Variants in LRP1B observed in about 807,000 individuals in gnomAD.
LRP1B encodes the protein low-density lipoprotein receptor-related protein 1B.
LRP1B carries 217 observed loss-of-function variants against 556.6 expected under a neutral mutation model. The ratio of observed to expected loss-of-function variants is 0.39; its 90% confidence interval spans 0.35 to 0.44. LRP1B has a LOEUF of 0.44. LRP1B is among the 20% of genes least tolerant of loss of function. The pLI, the probability that LRP1B is intolerant of heterozygous loss-of-function variation, is 1.00. For synonymous variants in LRP1B, 2,047 were observed against 1,865.8 expected (o/e 1.10, Z -2.50); for missense variants, 5,053 against 5,620.8 (o/e 0.90, Z 3.23).
intron 3 of LRP1B, among the ~76,000 whole-genome samples, chr2:141,262,951 T>C (rs541326458): frequency 2.0e-5 from 3 of 151,908 alleles, no homozygotes; most frequent in Non-Finnish European, 4.4e-5. Context: ...AGGATATTAA[T>C]TGGAATTATG....
chr2:142,118,191 A>G (rs921232383), intron 1 of LRP1B, among the ~76,000 whole-genome samples: 1 of 151,750 alleles, frequency 6.6e-6, no homozygotes, highest in African/African-American at 2.4e-5. Context: ...TACAAATTGC[A>G]CTCAACTCTC....
intron 1 of LRP1B, among the ~76,000 whole-genome samples, chr2:141,817,088 TTTA>T (rs1311135118): frequency 6.6e-6 from 1 of 152,156 alleles, no homozygotes; most frequent in Non-Finnish European, 1.5e-5. Context: ...ATATATCCAC[TTTA>T]TTGAGTTCCT....
chr2:141,824,461 G>A (rs1696857933), intron 1 of LRP1B, among the ~76,000 whole-genome samples: 1 of 152,102 alleles, frequency 6.6e-6, no homozygotes, highest in Non-Finnish European at 1.5e-5. Context: ...CCAGGTTCAC[G>A]CCATTCTCCT....
chr2:140,820,002 T>C (rs1691265409), intron 31 of LRP1B, among the ~76,000 whole-genome samples: 1 of 152,122 alleles, frequency 6.6e-6, no homozygotes, highest in South Asian at 2.1e-4. Context: ...AACCTTTAAA[T>C]TACTATTATT....
chr2:141,279,992 G>A (rs982917216), intron 3 of LRP1B, among the ~76,000 whole-genome samples: 1 of 152,050 alleles, frequency 6.6e-6, no homozygotes, highest in African/African-American at 2.4e-5. Flanking sequence ...TCTTCTACCA[G>A]CAGATTTGTG....
rs775856684 is a variant in LRP1B at position 141,229,267 on chromosome 2, A to C, written c.766T>G (p.Ser256Ala). 1.2e-6 allele frequency: 2 copies of C among 1,611,762 alleles called. No individual in the cohort carries two copies. The highest frequency in any genetic ancestry group is 3.3e-5 in the Admixed American group (2 of 59,968). The part of the protein sequence containing the change: ...MICWIESRES[S>A]NQLKCIQITK... ...ATCTGGATACATTTGAGTTGATTTG[A>C]AGATTCTCTTGATTCAATCCAACAA... The change falls in exon 6 of 91, where the codon TCA becomes GCA. Residue 256 changes from serine to alanine, a missense_variant. Physicochemically the swap from Ser to Ala is moderately conservative, Grantham distance 99. Transcript: ENST00000389484.
intron 3 of LRP1B, among the ~76,000 whole-genome samples, chr2:141,477,688 T>A (rs1203016811): frequency 6.6e-6 from 1 of 152,194 alleles, no homozygotes; most frequent in Non-Finnish European, 1.5e-5. Flanking sequence ...AAGATTTTTT[T>A]AAATCATTGA....
At chr2:141,356,902 A>G (rs1344696967) in intron 3 of LRP1B, among the ~76,000 whole-genome samples, 1 of 152,158 alleles carries the variant, frequency 6.6e-6, no homozygotes, top group East Asian at 1.9e-4. Flanking sequence ...CACCAACTGT[A>G]GAGGTTAAAA....
intron 41 of LRP1B, among the ~76,000 whole-genome samples, chr2:140,685,694 C>A (rs528091564): frequency 2.6e-5 from 4 of 152,178 alleles, no homozygotes; most frequent in East Asian, 3.9e-4. Context: ...AGACAAGTCC[C>A]CTAAAACTTA....
intron 58 of LRP1B, among the ~76,000 whole-genome samples, chr2:140,485,885 A>C (rs913948225): frequency 2.6e-5 from 4 of 151,288 alleles, no homozygotes; most frequent in African/African-American, 9.7e-5. Flanking sequence ...ACACACACAA[A>C]CTTAGAGATA....
chr2:141,311,958 G>A (rs1315822149), intron 3 of LRP1B, among the ~76,000 whole-genome samples: 1 of 152,156 alleles, frequency 6.6e-6, no homozygotes, highest in Non-Finnish European at 1.5e-5. Flanking sequence ...GGAAAAGTTT[G>A]GAGGAGCAGG....
chr2:141,440,196 G>A (rs888403333), intron 3 of LRP1B, among the ~76,000 whole-genome samples: 11 of 152,206 alleles, frequency 7.2e-5, no homozygotes, highest in Non-Finnish European at 1.2e-4. Flanking sequence ...GAGCAAAGGC[G>A]AGGAGTGACA....
At chr2:142,128,030 T>G (rs78323898) in intron 1 of LRP1B, among the ~76,000 whole-genome samples, 1 of 152,214 alleles carries the variant, frequency 6.6e-6, no homozygotes, top group Admixed American at 6.5e-5. Context: ...TAAGATGTGA[T>G]AGAATGTAAT....
intron 3 of LRP1B, among the ~76,000 whole-genome samples, chr2:141,309,328 G>A (rs1027442114): frequency 2.0e-5 from 3 of 152,188 alleles, no homozygotes; most frequent in African/African-American, 7.2e-5. Context: ...TTATGGGCTT[G>A]GTTTTGATAA....
In LRP1B at chr2:141,395,116, C is replaced by T. The variant is rs141141275; in HGVS notation, c.343+85280G>A. Among the ~76,000 whole-genome samples, 1,213 of 152,112 alleles carry T rather than the reference C, an allele frequency of 8.0e-3. 13 individuals carry two copies. The highest frequency in any genetic ancestry group is 0.025 in the African/African-American group (1,050 of 41,514). On this transcript the variant is annotated intron_variant, in intron 3 of 90. Transcript: ENST00000389484. ...TCATAGCTGTTGTAACCTCATTTTA[C>T]TTATTTTTAAAAATAAATTGAATGT...
intron 17 of LRP1B, 136 bp downstream of exon 17, chr2:140,989,396 C>T (rs1697021023): frequency 2.3e-6 from 2 of 884,428 alleles, no homozygotes; most frequent in Admixed American, 4.3e-5. Flanking sequence ...TGGCATCAAA[C>T]TCTGAATTCA....
chr2:140,792,084 C>T (rs1253577041), intron 32 of LRP1B, among the ~76,000 whole-genome samples: 1 of 152,140 alleles, frequency 6.6e-6, no homozygotes, highest in African/African-American at 2.4e-5. Context: ...CCCTTATCTT[C>T]CATTAATTCC....
intron 21 of LRP1B, among the ~76,000 whole-genome samples, chr2:140,922,229 A>C: frequency 6.6e-6 from 1 of 152,024 alleles, no homozygotes; most frequent in Non-Finnish European, 1.5e-5. Context: ...AATATAGTAG[A>C]ATATAAGACA....
chr2:140,858,298 A>C (rs1692678512), intron 27 of LRP1B, among the ~76,000 whole-genome samples: 1 of 152,026 alleles, frequency 6.6e-6, no homozygotes, highest in African/African-American at 2.4e-5. Flanking sequence ...ATTTTAAAAT[A>C]GGATACATGT....
Sources: gnomAD v4.1 joint callset for allele counts (sites outside exome capture counted in the v4.1 genomes callset) on GRCh38, gnomAD v4.1.1 for gene constraint, MANE v1.5 for transcripts, NCBI Gene and HGNC (gene_info 2026-07-23, HGNC 2026-07-21) for gene names.